Variants in COL2A1 observed in about 807,000 individuals in gnomAD.
COL2A1 encodes collagen type II alpha 1 chain, also known as collagen alpha-1(II) chain.
In COL2A1, 28 loss-of-function variants were observed where a neutral mutation model predicts 204.5. The observed-to-expected ratio is 0.14, with a 90% CI of 0.10 to 0.19. The LOEUF is 0.19. Ranked by LOEUF, COL2A1 falls within the 10% of genes least tolerant of loss-of-function variation. COL2A1 has a pLI of 1.00. For missense variants in COL2A1, 1,388 were observed against 2,027.5 expected, an observed-to-expected ratio of 0.68 and a Z score of 6.06; for synonymous variants, 708 against 718.7, an observed-to-expected ratio of 0.99 and a Z score of 0.24.
intron 7 of COL2A1, among the ~76,000 whole-genome samples, chr12:47,997,126 A>G (rs1018205155): frequency 6.6e-5 from 10 of 152,224 alleles, no homozygotes; most frequent in African/African-American, 2.4e-4. Flanking sequence ...CTAGGCAATC[A>G]TATAATTTGT....
rs1565671491 is a variant in COL2A1 at position 47,978,250 on chromosome 12, AG to A, written c.3003+40del. 2 of 1,607,990 alleles carry A rather than the reference AG, an allele frequency of 1.2e-6. No individual in the cohort carries two copies. The highest frequency in any genetic ancestry group is 1.7e-6 in the Non-Finnish European group (2 of 1,175,616). On this transcript the variant is annotated intron_variant, in intron 43 of 53. Coordinates refer to ENST00000380518, the MANE Select transcript of COL2A1 (RefSeq NM_001844.5). The surrounding 1 kb of genome is among the most constrained non-coding windows in gnomAD (Gnocchi z 5.5). ...GAGGGAGGTAGAAGCCTTGGCAGGCAGGGCCCAGCTTGGATGGAGGGAGGGA... is the reference window on the plus strand; with the variant it reads ...GAGGGAGGTAGAAGCCTTGGCAGGCAGGCCCAGCTTGGATGGAGGGAGGGA...
Position 47,994,687 on chromosome 12 carries a change from C to T in COL2A1, c.763-210G>A, listed in dbSNP as rs41317899. ...CACATGCATAGCCCATGGGCAAGCT[C>T]CTCTGTCCTCACCAGCCTCCAACTT... On this transcript the variant is annotated intron_variant, in intron 11 of 53. Coordinates refer to ENST00000380518, the MANE Select transcript of COL2A1 (RefSeq NM_001844.5). Among the ~76,000 whole-genome samples the T allele has an allele frequency of 1.8e-3, 268 of 152,354 alleles. 1 individual carries two copies. Among genetic ancestry groups the T allele is most frequent in the African/African-American group, 6.0e-3 (250 of 41,582 alleles).
At position 47,987,595 on chromosome 12, in the gene COL2A1, G is replaced by T; in HGVS notation, c.1221+16C>A. Reference sequence around the variant, plus strand: ...AGACCCCAGACCCCCCCAGGCCAAAGAGAAGCTGCACTTACGGAGGCACCA... The same window carrying T: ...AGACCCCAGACCCCCCCAGGCCAAATAGAAGCTGCACTTACGGAGGCACCA... On this transcript the variant is annotated intron_variant, in intron 19 of 53. Transcript: ENST00000380518. The surrounding 1 kb of genome is among the most constrained non-coding windows in gnomAD (Gnocchi z 4.1). The T allele has an allele frequency of 6.2e-7, 1 of 1,605,260 alleles. No individual in the cohort carries two copies. The highest frequency in any genetic ancestry group is 8.5e-7 in the Non-Finnish European group (1 of 1,174,336).
Position 47,995,905 on chromosome 12 carries a change from A to G in COL2A1, c.624T>C (p.Pro208=). ...VMQGPMGPMG[P]RGPPGPAGAP... ...CACCTGCAGGGCCTGGAGGTCCTCGAGGTCCCATGGGGCCCTGCATCGGAA... is the reference window on the plus strand; with the variant it reads ...CACCTGCAGGGCCTGGAGGTCCTCGGGGTCCCATGGGGCCCTGCATCGGAA... The change falls in exon 9 of 54, where the codon CCT becomes CCC. Residue 208 remains proline, a synonymous_variant. Coordinates refer to ENST00000380518, the MANE Select transcript of COL2A1 (RefSeq NM_001844.5). 6.2e-7 allele frequency: 1 copy of G among 1,613,688 alleles called. No individual in the cohort carries two copies. Among genetic ancestry groups the G allele is most frequent in the Non-Finnish European group, 8.5e-7 (1 of 1,179,574 alleles).
chr12:47,984,319 T>G (rs900108750), intron 28 of COL2A1, among the ~76,000 whole-genome samples, 179 bp from the exon 29 acceptor site: 5 of 152,274 alleles, frequency 3.3e-5, no homozygotes, highest in South Asian at 2.1e-4. Context: ...TTCTTAGCTG[T>G]TCTCAGCATG....
At chr12:47,994,526 A>G in intron 11 of COL2A1, 49 bp from the exon 12 acceptor site, 3 of 1,603,756 alleles carry the variant, frequency 1.9e-6, no homozygotes, top group Non-Finnish European at 2.6e-6. Flanking sequence ...ACGCAGTAGC[A>G]TAGTGGGGGC....
chr12:47,998,794 TC>T (rs1292238583), intron 2 of COL2A1: 4 of 251,126 alleles, frequency 1.6e-5, no homozygotes, highest in Admixed American at 5.0e-5. Context: ...AGGGAGCCGT[TC>T]CCGAACCCCA....
At chr12:47,995,812 ACAT>A (rs796547741) in intron 9 of COL2A1, 49 bp from the exon 10 acceptor site, 10 of 1,610,406 alleles carry the variant, frequency 6.2e-6, no homozygotes, top group Middle Eastern at 1.7e-4. Flanking sequence ...AACTGCTAAA[ACAT>A]CATAGTGCTT....
In COL2A1 at chr12:47,997,939, C is replaced by G. The variant is rs756552117; in HGVS notation, c.376-15G>C. ...CCTGCAGGTCCCTGAAGGTGAAGAA[C>G]ATGGTAAGATGACAGCAAGGCCAGG... is the stretch of plus-strand genomic sequence containing the variant. On this transcript the variant is annotated splice_polypyrimidine_tract_variant and intron_variant, in intron 5 of 53. Transcript: ENST00000380518. The G allele has an allele frequency of 1.9e-6, 3 of 1,614,168 alleles. No homozygotes were observed. The East Asian group carries it at 6.7e-5, about 36-fold the overall frequency.
chr12:47,974,456 G>T lies in COL2A1; in HGVS notation c.4075-125C>A, dbSNP rs1308600026. The stretch of plus-strand genomic sequence containing the variant: ...AGGGTACTGGGGCAGCAGGGAGCTA[G>T]TTGGACATTTTTGCTTCCAGGAGTG... On this transcript the variant is annotated intron_variant, in intron 52 of 53. Coordinates refer to ENST00000380518, the MANE Select transcript of COL2A1 (RefSeq NM_001844.5). The T allele has an allele frequency of 8.6e-6, 12 of 1,399,130 alleles. No individual in the cohort carries two copies. In the Admixed American group the frequency reaches 2.4e-4, roughly 28 times the overall value. The allele number at this position is 1,399,130 out of a possible 1,614,324, so 86.7% of individuals were successfully genotyped here.
rs775786196 is a variant in COL2A1 at position 47,987,180 on chromosome 12, T to G, written c.1267-4A>C. On this transcript the variant is annotated splice_polypyrimidine_tract_variant and splice_region_variant and intron_variant, in intron 20 of 53. Transcript: ENST00000380518. The surrounding 1 kb of genome is among the most constrained non-coding windows in gnomAD (Gnocchi z 4.1). ...CACCAGCAATGCCAGGAGCACCCTG[T>G]GGGCATGAGAAGAAGGGAGGGGTGT... is the stretch of plus-strand genomic sequence containing the variant. The G allele has an allele frequency of 2.5e-6, 4 of 1,613,598 alleles. No individual in the cohort carries two copies. Among genetic ancestry groups the G allele is most frequent in the Non-Finnish European group, 3.4e-6 (4 of 1,179,898 alleles).
At chr12:47,977,925 G>T in intron 44 of COL2A1, 85 bp downstream of exon 44, 1 of 1,305,098 alleles carries the variant, frequency 7.7e-7, no homozygotes, top group South Asian at 1.2e-5. Flanking sequence ...GGCCCTGACT[G>T]GGACTTGTCC....
Position 47,976,139 on chromosome 12 carries a change from G to A in COL2A1, c.3490-69C>T. On this transcript the variant is annotated intron_variant, in intron 49 of 53. Coordinates refer to ENST00000380518, the MANE Select transcript of COL2A1 (RefSeq NM_001844.5). This position sits in a 1 kb window ranked among gnomAD's most constrained non-coding sequence, Gnocchi z 4.3. ...GAAGGCTGGGGAGTCGCTGGGGCTG[G>A]GTAGGTGGCTGTCCTGATAGCACCA... The A allele has an allele frequency of 9.0e-7, 1 of 1,113,222 alleles. No homozygotes were observed. The highest frequency in any genetic ancestry group is 1.7e-5 in the Admixed American group (1 of 59,152). 69.0% of individuals were successfully genotyped at this position (1,113,222 alleles called of 1,614,324 possible). A position where few individuals can be genotyped will look rare whatever the true frequency, so the allele number is the denominator to read the frequency against.
In COL2A1 at chr12:47,980,936, T is replaced by C; in HGVS notation, c.2496A>G (p.Pro832=). Residue 832 remains proline (P), a synonymous_variant, in exon 38 of 54, where the codon CCA becomes CCG. Transcript: ENST00000380518. The surrounding 1 kb of genome is among the most constrained non-coding windows in gnomAD (Gnocchi z 4.5). The part of the protein sequence containing the change: ...GERGETGPPG[P]AGFAGPPGAD... The stretch of plus-strand genomic sequence containing the variant: ...TCACAGGAGGCCCAGCAAATCCCGC[T>C]GGTCCGGGGGGCCCAGTCTCTCCAC... The C allele has an allele frequency of 6.4e-7, 1 of 1,552,562 alleles. No individual in the cohort carries two copies. Among genetic ancestry groups the C allele is most frequent in the Non-Finnish European group, 8.7e-7 (1 of 1,147,670 alleles).
intron 3 of COL2A1, 84 bp from the exon 4 acceptor site, chr12:47,998,285 G>C (rs1220804638): frequency 1.9e-6 from 3 of 1,582,508 alleles, no homozygotes; most frequent in Non-Finnish European, 2.6e-6. Context: ...CCCCTGTGTT[G>C]AGGTACCCTC....
rs761850045 is a variant in COL2A1, at chr12:47,993,448, C to T, written c.969+10G>A. The T allele has an allele frequency of 1.6e-5, 25 of 1,607,370 alleles. No individual in the cohort carries two copies. The highest frequency in any genetic ancestry group is 5.5e-5 in the South Asian group (5 of 90,930). On this transcript the variant is annotated intron_variant, in intron 15 of 53. Transcript: ENST00000380518. ...TTTGATAAACCTTCCTGGAGGGTGT[C>T]CATACTTACCATTGGGCCCGGAGAT...
chr12:47,999,166 C>T (rs1018657090), intron 2 of COL2A1, among the ~76,000 whole-genome samples: 3 of 152,174 alleles, frequency 2.0e-5, no homozygotes, highest in East Asian at 1.9e-4. Context: ...CCTACACAAG[C>T]GTCCCCACTC....
At position 47,980,104 on chromosome 12, in the gene COL2A1, G is replaced by C; in HGVS notation, c.2626-42C>G. 6.7e-7 allele frequency: 1 copy of C among 1,496,736 alleles called. No homozygotes were observed. The highest frequency in any genetic ancestry group is 9.1e-7 in the Non-Finnish European group (1 of 1,097,482). 92.7% of individuals were successfully genotyped at this position (1,496,736 alleles called of 1,614,324 possible). ...GAGACAGTGAGGCCCAGTGGCCCAA[G>C]GAAGACGGTGGGCTTCTGTCTGAGC... On this transcript the variant is annotated intron_variant, in intron 39 of 53. Coordinates refer to ENST00000380518, the MANE Select transcript of COL2A1 (RefSeq NM_001844.5). This position sits in a 1 kb window ranked among gnomAD's most constrained non-coding sequence, Gnocchi z 4.5.
chr12:47,997,972 A>G (rs745737286), intron 5 of COL2A1, 48 bp from the exon 6 acceptor site: 1 of 1,614,180 alleles, frequency 6.2e-7, no homozygotes, highest in South Asian at 1.1e-5. Flanking sequence ...AGGAGCCTGC[A>G]GATCAGTAAC....
Sources: allele counts gnomAD v4.1 joint callset (sites outside exome capture counted in the v4.1 genomes callset), GRCh38; gene constraint gnomAD v4.1.1; non-coding constraint Gnocchi (gnomAD v3.1); transcripts MANE v1.5; gene names NCBI Gene and HGNC (gene_info 2026-07-23, HGNC 2026-07-21).